TMEM178B: variants seen among roughly 807,000 people sequenced by gnomAD.
TMEM178B encodes the protein transmembrane protein 178B.
Under a neutral mutation model 31.0 loss-of-function variants are expected in TMEM178B, and 5 were observed. The ratio of observed to expected loss-of-function variants is 0.16; its 90% CI spans 0.08 to 0.34. TMEM178B has a LOEUF of 0.34. TMEM178B is among the 10% of genes least tolerant of loss of function. The probability of loss-of-function intolerance (pLI) is 1.00; values close to 1 mark genes in which losing one functional copy is unlikely to be tolerated. For missense variants in TMEM178B, 275 were observed against 400.3 expected, an observed-to-expected ratio of 0.69 and a Z score of 2.67; for synonymous variants, 164 against 164.0, an observed-to-expected ratio of 1.00 and a Z score of 0.00.
At chr7:141,202,515 A>G (rs1796894395) in intron 1 of TMEM178B, among the ~76,000 whole-genome samples, 1 of 152,246 alleles carries the variant, frequency 6.6e-6, no homozygotes, top group Admixed American at 6.5e-5. Flanking sequence ...TGCATACAAA[A>G]CAACATTAAA....
At chr7:141,175,374 A>G (rs1329265339) in intron 1 of TMEM178B, among the ~76,000 whole-genome samples, 1 of 152,084 alleles carries the variant, frequency 6.6e-6, no homozygotes, top group East Asian at 1.9e-4. Context: ...GCCTTGTAGT[A>G]TAGTTTGACA....
intron 2 of TMEM178B, among the ~76,000 whole-genome samples, chr7:141,372,620 A>G (rs1397734980): frequency 6.6e-6 from 1 of 152,124 alleles, no homozygotes; most frequent in African/African-American, 2.4e-5. Flanking sequence ...CTCCTCATCT[A>G]TATGGGTTTT....
At chr7:141,389,265 A>G (rs976598550) in intron 2 of TMEM178B, among the ~76,000 whole-genome samples, 1 of 152,228 alleles carries the variant, frequency 6.6e-6, no homozygotes, top group African/African-American at 2.4e-5. Flanking sequence ...TCAATTACAT[A>G]TAATGGATAA....
At chr7:141,426,643 C>G (rs927929032) in intron 2 of TMEM178B, among the ~76,000 whole-genome samples, 12 of 152,066 alleles carry the variant, frequency 7.9e-5, no homozygotes, top group Non-Finnish European at 1.3e-4. Context: ...GATGGTGATG[C>G]AGGGAGAGGC....
At chr7:141,303,915 G>T (rs71545310) in intron 2 of TMEM178B, among the ~76,000 whole-genome samples, 9 of 152,158 alleles carry the variant, frequency 5.9e-5, no homozygotes, top group Non-Finnish European at 1.2e-4. Flanking sequence ...ACTCTATGAC[G>T]TATGGGTGTC....
chr7:141,076,650 C>T, intron 1 of TMEM178B, among the ~76,000 whole-genome samples: 1 of 152,086 alleles, frequency 6.6e-6, no homozygotes, highest in Non-Finnish European at 1.5e-5. Context: ...AAGCTGGAAA[C>T]AGAGACAGGG....
intron 2 of TMEM178B, among the ~76,000 whole-genome samples, chr7:141,286,201 A>T (rs762398826): frequency 6.6e-6 from 1 of 152,236 alleles, no homozygotes; most frequent in Non-Finnish European, 1.5e-5. Context: ...TCTATATTGT[A>T]CAATGACAGA....
chr7:141,312,138 C>T (rs1798921340), intron 2 of TMEM178B, among the ~76,000 whole-genome samples: 1 of 152,186 alleles, frequency 6.6e-6, no homozygotes. Context: ...GACTCCACTC[C>T]TTAATTTGAA....
At chr7:141,335,403 G>A (rs1179482712) in intron 2 of TMEM178B, among the ~76,000 whole-genome samples, 1 of 152,168 alleles carries the variant, frequency 6.6e-6, no homozygotes, top group African/African-American at 2.4e-5. Context: ...GGGCGCTCTG[G>A]AAATGACGCT....
intron 1 of TMEM178B, 134 bp from the exon 2 acceptor site, chr7:141,212,457 T>C: frequency 1.5e-6 from 1 of 671,386 alleles, no homozygotes; most frequent in Non-Finnish European, 2.6e-6. Flanking sequence ...GTTGAAGGTA[T>C]TGTCTTTCTG....
chr7:141,333,130 A>G (rs895611140), intron 2 of TMEM178B, among the ~76,000 whole-genome samples: 1 of 152,214 alleles, frequency 6.6e-6, no homozygotes, highest in Non-Finnish European at 1.5e-5. Flanking sequence ...TCTCAATGAC[A>G]TCTCAGTGAA....
intron 2 of TMEM178B, among the ~76,000 whole-genome samples, chr7:141,213,089 C>T (rs933401798): frequency 6.6e-6 from 1 of 152,118 alleles, no homozygotes; most frequent in Non-Finnish European, 1.5e-5. Context: ...ACCTGTTAGT[C>T]CCTTGGGTTG....
chr7:141,398,533 C>G (rs994626521), intron 2 of TMEM178B, among the ~76,000 whole-genome samples: 1 of 152,202 alleles, frequency 6.6e-6, no homozygotes, highest in Non-Finnish European at 1.5e-5. Context: ...CTCTCTTTCC[C>G]ACCACAATGA....
intron 3 of TMEM178B, among the ~76,000 whole-genome samples, chr7:141,457,994 G>C (rs535975290): frequency 6.6e-6 from 1 of 152,354 alleles, no homozygotes; most frequent in East Asian, 1.9e-4. Flanking sequence ...ACACCACACT[G>C]TTGGCAGTGT....
At position 141,479,745 on chromosome 7, in the gene TMEM178B, T is replaced by C. The variant is rs1246444806; in HGVS notation, c.*8959T>C. ...CAAAACTCTCAAACGCCTGGAGTGT[T>C]TATGGCCCACCAGATTATTGCTCAG... On this transcript the variant is annotated 3_prime_UTR_variant, in exon 4 of 4. Transcript: ENST00000565468. 1 of 152,166 alleles carries C rather than the reference T, an allele frequency of 6.6e-6. No homozygotes were observed. Among genetic ancestry groups the C allele is most frequent in the African/African-American group, 2.4e-5 (1 of 41,436 alleles). The allele number at this position is 152,166 out of a possible 1,614,324, so 9.4% of individuals were successfully genotyped here.
intron 2 of TMEM178B, among the ~76,000 whole-genome samples, chr7:141,389,633 G>T (rs924500247): frequency 6.6e-5 from 10 of 152,196 alleles, no homozygotes; most frequent in African/African-American, 2.4e-4. Flanking sequence ...TCACGAGGCA[G>T]CACCAAGCTG....
downstream of TMEM178B, among the ~76,000 whole-genome samples, chr7:141,482,803 C>T (rs191305272): frequency 1.0e-3 from 152 of 151,948 alleles, no homozygotes; most frequent in Middle Eastern, 6.8e-3. Flanking sequence ...TGGATTTCAA[C>T]GGACAGCACT....
chr7:141,138,175 C>T (rs1795707202), intron 1 of TMEM178B, among the ~76,000 whole-genome samples: 1 of 151,888 alleles, frequency 6.6e-6, no homozygotes, highest in South Asian at 2.1e-4. Context: ...CATTGTCCTG[C>T]CTCAGCCTCC....
At chr7:141,111,097 C>T (rs974030870) in intron 1 of TMEM178B, among the ~76,000 whole-genome samples, 1 of 152,016 alleles carries the variant, frequency 6.6e-6, no homozygotes, top group African/African-American at 2.4e-5. Flanking sequence ...AAGGACATAC[C>T]CAGTAATTTA....
Sources: allele counts gnomAD v4.1 joint callset (sites outside exome capture counted in the v4.1 genomes callset), GRCh38; gene constraint gnomAD v4.1.1; transcripts MANE v1.5; gene names NCBI Gene and HGNC (gene_info 2026-07-23, HGNC 2026-07-21).